CSMD1: variants seen among roughly 807,000 people sequenced by gnomAD.
CSMD1 encodes the protein CUB and sushi domain-containing protein 1.
CSMD1 carries 213 observed loss-of-function variants against 417.5 expected under a neutral mutation model. The observed-to-expected ratio is 0.51, with a 90% CI of 0.46 to 0.57. CSMD1 has a LOEUF of 0.57. CSMD1 is among the 20% of genes least tolerant of loss of function. The pLI, the probability that CSMD1 is intolerant of heterozygous loss-of-function variation, is 0.00. For synonymous variants in CSMD1, 2,862 were observed against 1,736.8 expected, an observed-to-expected ratio of 1.65 and a Z score of -16.11; for missense variants, 6,923 against 4,529.7, an observed-to-expected ratio of 1.53 and a Z score of -15.17.
At position 4,525,114 on chromosome 8, in the gene CSMD1, G is replaced by C. The variant is rs975622594; in HGVS notation, c.303-105049C>G. ...TTTCTGAAAGATGATCCAGATCATA[G>C]TGCTAAATTTTCAATCTACTCCAAC... On this transcript the variant is annotated intron_variant, in intron 2 of 69. Transcript: ENST00000635120. Among the ~76,000 whole-genome samples the C allele has an allele frequency of 4.6e-5, 7 of 152,296 alleles. No homozygotes were observed. In the South Asian group the frequency reaches 1.0e-3, roughly 23 times the overall value.
intron 1 of CSMD1, among the ~76,000 whole-genome samples, chr8:4,724,528 G>A (rs957632201): frequency 1.3e-4 from 18 of 138,976 alleles, no homozygotes; most frequent in African/African-American, 3.2e-4. Flanking sequence ...ATATGTGTGT[G>A]TGTGTGTGTG....
chr8:4,610,951 T>C (rs972807526), intron 2 of CSMD1, among the ~76,000 whole-genome samples: 1 of 152,196 alleles, frequency 6.6e-6, no homozygotes, highest in Non-Finnish European at 1.5e-5. Context: ...TTCGATAAAA[T>C]TGTAGTTTTA....
At chr8:3,387,716 T>A (rs1298477783) in intron 17 of CSMD1, 34 bp from the exon 18 acceptor site, 2 of 1,535,606 alleles carry the variant, frequency 1.3e-6, no homozygotes, top group Non-Finnish European at 1.8e-6. Flanking sequence ...TCGATGAGGA[T>A]CTTTCTGGTT....
At chr8:3,484,294 C>A (rs746001909) in intron 11 of CSMD1, among the ~76,000 whole-genome samples, 2 of 152,178 alleles carry the variant, frequency 1.3e-5, no homozygotes, top group Non-Finnish European at 2.9e-5. Flanking sequence ...ATACATCTAA[C>A]TAGTTTTTGA....
intron 33 of CSMD1, among the ~76,000 whole-genome samples, chr8:3,194,878 G>T (rs1796616934): frequency 6.6e-6 from 1 of 152,068 alleles, no homozygotes. Flanking sequence ...GCTGCTTCAG[G>T]TGAGGAGCCT....
At chr8:3,542,369 T>A (rs148652498) in intron 10 of CSMD1, among the ~76,000 whole-genome samples, 2 of 152,328 alleles carry the variant, frequency 1.3e-5, no homozygotes, top group East Asian at 3.9e-4. Context: ...GGTAATTAGT[T>A]ATTTTATTTT....
chr8:3,565,363 G>A (rs921713450), intron 10 of CSMD1, among the ~76,000 whole-genome samples: 1 of 152,082 alleles, frequency 6.6e-6, no homozygotes, highest in African/African-American at 2.4e-5. Context: ...TTTGCACGGG[G>A]AAAGGTCTGA....
At chr8:3,559,955 A>T (rs1227858288) in intron 10 of CSMD1, among the ~76,000 whole-genome samples, 1 of 152,152 alleles carries the variant, frequency 6.6e-6, no homozygotes, top group African/African-American at 2.4e-5. Flanking sequence ...AGAGGAGGAA[A>T]GCCGTGCGGA....
chr8:3,754,476 A>G (rs1797542968), intron 5 of CSMD1, among the ~76,000 whole-genome samples: 1 of 139,692 alleles, frequency 7.2e-6, no homozygotes, highest in African/African-American at 2.6e-5. Flanking sequence ...TTATTTTGAG[A>G]CGGAGTCTCA....
intron 3 of CSMD1, among the ~76,000 whole-genome samples, chr8:4,126,539 G>A (rs569682786): frequency 5.9e-4 from 90 of 152,290 alleles, no homozygotes; most frequent in Middle Eastern, 3.4e-3. Flanking sequence ...GTGCTGCAGG[G>A]AGGCCACTGA....
intron 1 of CSMD1, among the ~76,000 whole-genome samples, chr8:4,718,591 T>C (rs886992345): frequency 7.9e-5 from 12 of 151,698 alleles, no homozygotes; most frequent in Non-Finnish European, 1.8e-4. Context: ...AAGGAGGAGA[T>C]AAACATATAG....
intron 1 of CSMD1, among the ~76,000 whole-genome samples, chr8:4,937,119 T>C (rs1280532940): frequency 6.6e-6 from 1 of 152,132 alleles, no homozygotes; most frequent in African/African-American, 2.4e-5. Flanking sequence ...AGGCTGAAGG[T>C]GGAGGACTGC....
At chr8:4,534,161 G>A (rs910532370) in intron 2 of CSMD1, among the ~76,000 whole-genome samples, 2 of 152,158 alleles carry the variant, frequency 1.3e-5, no homozygotes, top group African/African-American at 4.8e-5. Flanking sequence ...GATATCATCA[G>A]AAAAGAGAAA....
intron 2 of CSMD1, among the ~76,000 whole-genome samples, chr8:4,603,030 A>G (rs919066205): frequency 1.3e-5 from 2 of 152,098 alleles, no homozygotes; most frequent in Admixed American, 1.3e-4. Context: ...TGATTCTCCA[A>G]CTGAAATTCT....
At chr8:4,737,348 T>A (rs1023218017) in intron 1 of CSMD1, among the ~76,000 whole-genome samples, 1 of 151,842 alleles carries the variant, frequency 6.6e-6, no homozygotes, top group African/African-American at 2.4e-5. Flanking sequence ...GGTGGAGGGT[T>A]GGAGGAGAGA....
At chr8:4,608,569 T>C (rs1211766731) in intron 2 of CSMD1, among the ~76,000 whole-genome samples, 1 of 152,198 alleles carries the variant, frequency 6.6e-6, no homozygotes, top group Admixed American at 6.5e-5. Context: ...TGCTCCATCG[T>C]CAAGATAAGG....
intron 2 of CSMD1, among the ~76,000 whole-genome samples, chr8:4,632,449 T>C (rs1006740218): frequency 1.3e-5 from 2 of 151,946 alleles, no homozygotes; most frequent in Non-Finnish European, 2.9e-5. Context: ...GAGGAGGAGA[T>C]TGCAGTGAGC....
intron 2 of CSMD1, among the ~76,000 whole-genome samples, chr8:4,611,419 T>C (rs1009894678): frequency 2.0e-5 from 3 of 152,224 alleles, no homozygotes; most frequent in Non-Finnish European, 4.4e-5. Flanking sequence ...TTTAATGTTT[T>C]AAACTCCACT....
chr8:3,778,158 G>C (rs1475103904), intron 5 of CSMD1, among the ~76,000 whole-genome samples: 1 of 152,238 alleles, frequency 6.6e-6, no homozygotes, highest in Non-Finnish European at 1.5e-5. Context: ...AAATGTGTCA[G>C]GATAGATTAG....
Sources: allele counts gnomAD v4.1 joint callset (sites outside exome capture counted in the v4.1 genomes callset), GRCh38; gene constraint gnomAD v4.1.1; transcripts MANE v1.5; gene names NCBI Gene and HGNC (gene_info 2026-07-23, HGNC 2026-07-21).